GPC5: variants seen among roughly 807,000 people sequenced by gnomAD.
GPC5 encodes the protein glypican 5.
GPC5 carries 47 observed loss-of-function variants against 53.9 expected under a neutral mutation model. That is an observed-to-expected ratio of 0.87 (90% confidence interval 0.69 to 1.11). GPC5 has a LOEUF of 1.11. Among genes scored for constraint, GPC5 ranks in the 50% most tolerant of loss-of-function variants. The pLI, the probability that GPC5 is intolerant of heterozygous loss-of-function variation, is 0.00. For missense variants in GPC5, 748 were observed against 713.1 expected (o/e 1.05, Z -0.56); for synonymous variants, 286 against 263.3 (o/e 1.09, Z -0.84).
chr13:91,766,408 TA>T (rs1191500898), intron 5 of GPC5, among the ~76,000 whole-genome samples: 2 of 152,230 alleles, frequency 1.3e-5, no homozygotes, highest in Non-Finnish European at 2.9e-5. Context: ...TCTCATTCAT[TA>T]TAATGCAACC....
At chr13:91,786,889 G>A (rs2037887584) in intron 5 of GPC5, among the ~76,000 whole-genome samples, 1 of 148,532 alleles carries the variant, frequency 6.7e-6, no homozygotes, top group African/African-American at 2.5e-5. Context: ...GTGTTTTGAA[G>A]TTTTCAGTAC....
chr13:92,456,570 T>C (rs1414536873), intron 7 of GPC5, among the ~76,000 whole-genome samples: 1 of 152,166 alleles, frequency 6.6e-6, no homozygotes, highest in Non-Finnish European at 1.5e-5. Flanking sequence ...TCAACACTAC[T>C]AAGAATTTCT....
intron 6 of GPC5, among the ~76,000 whole-genome samples, chr13:92,084,329 C>T (rs1405215814): frequency 2.0e-5 from 3 of 152,058 alleles, no homozygotes; most frequent in Non-Finnish European, 4.4e-5. Flanking sequence ...TGTTGTCTTG[C>T]TATATCACGT....
In GPC5 at chr13:91,672,470, A is replaced by ATG. The variant is rs762179984; in HGVS notation, c.326-20717_326-20716insTG. Among the ~76,000 whole-genome samples, 260 of 152,330 alleles carry ATG rather than the reference A, an allele frequency of 1.7e-3. 1 individual carries two copies. Among genetic ancestry groups the ATG allele is most frequent in the African/African-American group, 6.1e-3 (254 of 41,574 alleles). On this transcript the variant is annotated intron_variant, in intron 2 of 7. Transcript: ENST00000377067. ...AAAAGAAGGCATTTACACGGTCAAC[A>ATG]AACATATGAAGAAAAGCTCAACATT...
chr13:92,634,822 T>C (rs1885361651), intron 7 of GPC5, among the ~76,000 whole-genome samples: 1 of 152,074 alleles, frequency 6.6e-6, no homozygotes. Context: ...CTTTAATTCT[T>C]TTCTCCGTTG....
Position 92,335,035 on chromosome 13 carries a change from C to A in GPC5, c.1561+190046C>A, listed in dbSNP as rs532071525. 7.9e-5 allele frequency among the ~76,000 whole-genome samples: 12 copies of A among 152,294 alleles called. No homozygotes were observed. The East Asian group carries it at 1.9e-3, about 25-fold the overall frequency. On this transcript the variant is annotated intron_variant, in intron 7 of 7. Transcript: ENST00000377067. ...GAGGATGGTGGCCTTCTTCTCACAG[C>A]TCCACTAGGCAGTGCCCCAGTGAGG... is the stretch of plus-strand genomic sequence containing the variant.
intron 2 of GPC5, among the ~76,000 whole-genome samples, chr13:91,497,377 A>G (rs1038911574): frequency 2.6e-5 from 4 of 152,150 alleles, no homozygotes; most frequent in African/African-American, 9.7e-5. Context: ...CTGGACTAGC[A>G]ACTTTGTTAA....
chr13:91,490,031 C>A (rs1358182932), intron 2 of GPC5, among the ~76,000 whole-genome samples: 1 of 152,102 alleles, frequency 6.6e-6, no homozygotes, highest in Admixed American at 6.6e-5. Flanking sequence ...CCCACTTGTT[C>A]TGTATATTTA....
At chr13:92,380,272 G>T (rs1002517423) in intron 7 of GPC5, among the ~76,000 whole-genome samples, 1 of 151,992 alleles carries the variant, frequency 6.6e-6, no homozygotes, top group African/African-American at 2.4e-5. Context: ...TTGGCCCCTT[G>T]GAGAGGCAAC....
At chr13:91,575,589 A>G (rs184002869) in intron 2 of GPC5, among the ~76,000 whole-genome samples, 1 of 152,288 alleles carries the variant, frequency 6.6e-6, no homozygotes, top group Admixed American at 6.5e-5. Context: ...AACTGTACCC[A>G]CTGGCAGAAA....
chr13:91,553,927 T>C (rs1454721336), intron 2 of GPC5, among the ~76,000 whole-genome samples: 1 of 152,086 alleles, frequency 6.6e-6, no homozygotes. Context: ...AGACCAGTGA[T>C]GTTATTTATC....
rs2138984079 is a variant in GPC5 at position 92,144,955 on chromosome 13, T to C, written c.1527T>C (p.Ser509=). ...AAGATGGTTGCGGGGGATCAGGAAG[T>C]GGAGAAGTCAAGAGGACACTGAAGA... ...DDEDGCGGSG[S]GEVKRTLKIT... The change falls in exon 7 of 8, where the codon AGT becomes AGC. Residue 509 remains serine (S), a synonymous_variant. Transcript: ENST00000377067. 1.3e-6 allele frequency: 2 copies of C among 1,569,348 alleles called. No individual in the cohort carries two copies. Among genetic ancestry groups the C allele is most frequent in the Non-Finnish European group, 1.7e-6 (2 of 1,161,744 alleles).
intron 6 of GPC5, among the ~76,000 whole-genome samples, chr13:92,110,237 A>G (rs2041546399): frequency 6.6e-6 from 1 of 152,140 alleles, no homozygotes; most frequent in Non-Finnish European, 1.5e-5. Flanking sequence ...AAATAGAGAC[A>G]CAGACTAAAC....
chr13:92,677,758 C>T (rs772583397), intron 7 of GPC5, among the ~76,000 whole-genome samples: 21 of 147,564 alleles, frequency 1.4e-4, no homozygotes, highest in Non-Finnish European at 2.4e-4. Flanking sequence ...GGGCTGATGC[C>T]TGAAACCTGA....
At chr13:92,564,178 A>G (rs932482218) in intron 7 of GPC5, among the ~76,000 whole-genome samples, 10 of 152,040 alleles carry the variant, frequency 6.6e-5, no homozygotes, top group Non-Finnish European at 5.9e-5. Flanking sequence ...CATGCCTTCC[A>G]GTGCTAGTTG....
intron 7 of GPC5, among the ~76,000 whole-genome samples, chr13:92,622,779 T>C (rs1383229224): frequency 6.6e-6 from 1 of 152,138 alleles, no homozygotes; most frequent in South Asian, 2.1e-4. Context: ...AAAATCATCA[T>C]CAGTGTCTTA....
intron 2 of GPC5, among the ~76,000 whole-genome samples, chr13:91,595,891 G>A (rs2032977112): frequency 6.6e-6 from 1 of 152,156 alleles, no homozygotes; most frequent in Non-Finnish European, 1.5e-5. Context: ...CAAATCCAGT[G>A]GTGGTGTTTT....
At chr13:92,791,759 A>G (rs1876471843) in intron 7 of GPC5, among the ~76,000 whole-genome samples, 1 of 152,160 alleles carries the variant, frequency 6.6e-6, no homozygotes, top group Non-Finnish European at 1.5e-5. Context: ...TATAATTCAC[A>G]TAGCATACAA....
intron 1 of GPC5, among the ~76,000 whole-genome samples, chr13:91,417,718 A>G (rs1473134714): frequency 7.2e-6 from 1 of 139,396 alleles, no homozygotes; most frequent in Non-Finnish European, 1.6e-5. Flanking sequence ...TTAGGAGTCC[A>G]TAACGAAAGT....
Sources: gnomAD v4.1 joint callset for allele counts (sites outside exome capture counted in the v4.1 genomes callset) on GRCh38, gnomAD v4.1.1 for gene constraint, MANE v1.5 for transcripts, NCBI Gene and HGNC (gene_info 2026-07-23, HGNC 2026-07-21) for gene names.